ERBB4: variants seen among roughly 807,000 people sequenced by gnomAD.
ERBB4 encodes receptor tyrosine-protein kinase erbB-4.
A neutral mutation model predicts 158.0 loss-of-function variants in ERBB4; 42 were observed. That is an observed-to-expected ratio of 0.27 (90% CI 0.21 to 0.34). The LOEUF (loss-of-function observed/expected upper bound fraction) is 0.34, where lower values mean the gene tolerates loss of function less well. Ranked by LOEUF, ERBB4 falls within the 10% of genes least tolerant of loss-of-function variation. ERBB4 has a pLI of 1.00. For synonymous variants in ERBB4, 583 were observed against 558.7 expected (o/e 1.04, Z -0.61); for missense variants, 1,333 against 1,624.1 (o/e 0.82, Z 3.08).
intron 3 of ERBB4, among the ~76,000 whole-genome samples, chr2:211,814,436 T>C (rs2076832653): frequency 6.6e-6 from 1 of 152,124 alleles, no homozygotes; most frequent in Non-Finnish European, 1.5e-5. Flanking sequence ...ACTTAAGACA[T>C]TAAATTAAAA....
At chr2:212,016,672 A>G (rs1029930627) in intron 2 of ERBB4, among the ~76,000 whole-genome samples, 3 of 152,126 alleles carry the variant, frequency 2.0e-5, no homozygotes, top group African/African-American at 7.2e-5. Flanking sequence ...AATTCTAGAA[A>G]AATAGGACCT....
intron 1 of ERBB4, among the ~76,000 whole-genome samples, chr2:212,141,698 A>G (rs930746234): frequency 6.6e-6 from 1 of 151,942 alleles, no homozygotes; most frequent in Non-Finnish European, 1.5e-5. Context: ...CCACAAAACC[A>G]TATGCAAATC....
At chr2:211,650,390 T>C (rs1311803635) in intron 16 of ERBB4, among the ~76,000 whole-genome samples, 1 of 152,104 alleles carries the variant, frequency 6.6e-6, no homozygotes, top group Admixed American at 6.6e-5. Flanking sequence ...AAGTAGGTCA[T>C]ACTGGGAATT....
At chr2:211,542,908 A>G (rs924973165) in intron 20 of ERBB4, among the ~76,000 whole-genome samples, 1 of 151,948 alleles carries the variant, frequency 6.6e-6, no homozygotes, top group African/African-American at 2.4e-5. Flanking sequence ...GATTCGTTCA[A>G]TCCCAAAAGG....
intron 4 of ERBB4, among the ~76,000 whole-genome samples, chr2:211,773,635 T>TA (rs1553630529): frequency 5.8e-4 from 59 of 101,074 alleles, no homozygotes; most frequent in African/African-American, 2.2e-3. Context: ...TATATATATA[T>TA]ATATATATAT....
chr2:211,806,344 G>T (rs967912326), intron 3 of ERBB4, among the ~76,000 whole-genome samples: 1 of 152,076 alleles, frequency 6.6e-6, no homozygotes, highest in Non-Finnish European at 1.5e-5. Flanking sequence ...AATACTAAGT[G>T]AAATTCTTTT....
chr2:211,548,158 T>C (rs990572955), intron 20 of ERBB4, among the ~76,000 whole-genome samples: 5 of 152,030 alleles, frequency 3.3e-5, no homozygotes, highest in Non-Finnish European at 7.4e-5. Context: ...CCTTTAAATA[T>C]TGTCCTCCTT....
chr2:211,841,590 T>C (rs2106002194), intron 3 of ERBB4, among the ~76,000 whole-genome samples: 1 of 152,122 alleles, frequency 6.6e-6, no homozygotes, highest in African/African-American at 2.4e-5. Context: ...GTTATTTTCA[T>C]TTATCCTCTG....
chr2:211,709,447 A>G (rs1314400469), intron 9 of ERBB4, among the ~76,000 whole-genome samples: 1 of 151,880 alleles, frequency 6.6e-6, no homozygotes, highest in Non-Finnish European at 1.5e-5. Context: ...CCCATGTTTT[A>G]TCTGTAAGAA....
At chr2:211,721,160 A>C (rs1163445063) in intron 7 of ERBB4, among the ~76,000 whole-genome samples, 1 of 152,252 alleles carries the variant, frequency 6.6e-6, no homozygotes, top group Admixed American at 6.5e-5. Context: ...TGTTGTGTGC[A>C]TTTTGACTGT....
chr2:212,136,699 A>G (rs2080281932), intron 1 of ERBB4, among the ~76,000 whole-genome samples: 2 of 152,172 alleles, frequency 1.3e-5, no homozygotes, highest in Admixed American at 6.6e-5. Flanking sequence ...CCACTGTTCC[A>G]AGTTATCTGT....
rs2082408223 is a variant in ERBB4, at chr2:212,195,749, G to A, written c.83-70846C>T. 2.0e-5 allele frequency among the ~76,000 whole-genome samples: 3 copies of A among 151,942 alleles called. No individual in the cohort carries two copies. The South Asian group carries it at 6.2e-4, about 31-fold the overall frequency. On this transcript the variant is annotated intron_variant, in intron 1 of 27. Transcript: ENST00000342788. ...TTAATCTGTATAAATAATATTAAAA[G>A]CATATTTCAAAGAACTCATTTCAGA... is the stretch of plus-strand genomic sequence containing the variant.
At chr2:212,344,370 C>T (rs1446990569) in intron 1 of ERBB4, among the ~76,000 whole-genome samples, 1 of 152,056 alleles carries the variant, frequency 6.6e-6, no homozygotes, top group East Asian at 1.9e-4. Context: ...TGTCTCCAGA[C>T]CTTGCTAAAT....
At chr2:211,974,322 G>A (rs1397891739) in intron 2 of ERBB4, among the ~76,000 whole-genome samples, 3 of 151,594 alleles carry the variant, frequency 2.0e-5, no homozygotes, top group East Asian at 1.9e-4. Context: ...TTAGAGTAAT[G>A]GTAAAAACTC....
intron 20 of ERBB4, among the ~76,000 whole-genome samples, chr2:211,518,820 G>T (rs533509402): frequency 1.2e-4 from 18 of 152,084 alleles, no homozygotes; most frequent in East Asian, 3.9e-4. Flanking sequence ...TATTAAAGGG[G>T]TTTTTTTGTC....
chr2:211,909,505 C>T (rs185908253), intron 3 of ERBB4, among the ~76,000 whole-genome samples: 13 of 151,682 alleles, frequency 8.6e-5, no homozygotes, highest in Admixed American at 1.3e-4. Context: ...ACTATAAATC[C>T]GTACATTATG....
intron 1 of ERBB4, among the ~76,000 whole-genome samples, chr2:212,331,080 A>ATACACG (rs2088141022): frequency 6.9e-6 from 1 of 144,220 alleles, no homozygotes; most frequent in Admixed American, 7.1e-5. Flanking sequence ...ATACACATAT[A>ATACACG]TATATATGCC....
At chr2:211,430,447 G>A (rs2063724222) in intron 21 of ERBB4, among the ~76,000 whole-genome samples, 3 of 152,126 alleles carry the variant, frequency 2.0e-5, no homozygotes, top group Admixed American at 1.3e-4. Flanking sequence ...TCAGGCAGAG[G>A]CTGAGACTAG....
chr2:211,583,841 T>C (rs1234648794), intron 19 of ERBB4, among the ~76,000 whole-genome samples: 2 of 151,716 alleles, frequency 1.3e-5, no homozygotes, highest in African/African-American at 4.8e-5. Flanking sequence ...TAATTGTTGC[T>C]GTATTCTTCA....
Sources: allele counts gnomAD v4.1 joint callset (sites outside exome capture counted in the v4.1 genomes callset), GRCh38; gene constraint gnomAD v4.1.1; transcripts MANE v1.5; gene names NCBI Gene and HGNC (gene_info 2026-07-23, HGNC 2026-07-21).